Variants in SHISA9 observed in about 807,000 individuals in gnomAD.
SHISA9 encodes the protein shisa family member 9, also known as protein shisa-9.
A neutral mutation model predicts 38.0 loss-of-function variants in SHISA9; 13 were observed. The ratio of observed to expected loss-of-function variants is 0.34; its 90% CI spans 0.22 to 0.54. SHISA9 has a LOEUF of 0.54. SHISA9 is among the 20% of genes least tolerant of loss of function. The probability of loss-of-function intolerance (pLI) is 0.91; values close to 1 mark genes in which losing one functional copy is unlikely to be tolerated. For synonymous variants in SHISA9, 275 were observed against 242.0 expected, an observed-to-expected ratio of 1.14 and a Z score of -1.27; for missense variants, 538 against 575.8, an observed-to-expected ratio of 0.93 and a Z score of 0.67.
rs1596535186 is a variant in SHISA9, at chr16:12,930,355, AAGTTGAGTATCAAG to A, written c.691+13546_691+13559del. Among the ~76,000 whole-genome samples, 5 of 152,340 alleles carry A rather than the reference AAGTTGAGTATCAAG, an allele frequency of 3.3e-5. No individual in the cohort carries two copies. The East Asian group carries it at 9.6e-4, about 29-fold the overall frequency. ...CTGTTATCAGAGTCTAGCAAATGCC[AAGTTGAGTATCAAG>A]AGTTGTTGCATACATTTAAAAGCTC... On this transcript the variant is annotated intron_variant, in intron 2 of 4. Transcript: ENST00000558583.
chr16:13,097,159 T>A (rs2073836160), intron 2 of SHISA9, among the ~76,000 whole-genome samples: 1 of 152,194 alleles, frequency 6.6e-6, no homozygotes, highest in South Asian at 2.1e-4. Flanking sequence ...AGTGAATCCC[T>A]ATACAGAACC....
the SHISA9 span, among the ~76,000 whole-genome samples, chr16:13,406,056 C>A: frequency 1.3e-5 from 2 of 151,840 alleles, no homozygotes; most frequent in African/African-American, 4.8e-5. Context: ...GAATAAACGA[C>A]AACCTACAGA....
intron 4 of SHISA9, among the ~76,000 whole-genome samples, chr16:13,218,692 C>T (rs768167859): frequency 1.2e-4 from 19 of 152,226 alleles, no homozygotes; most frequent in African/African-American, 3.4e-4. Flanking sequence ...AGACAATGTA[C>T]GTAAAATCGC....
Position 13,235,454 on chromosome 16 carries a change from G to C in SHISA9, c.*45G>C, listed in dbSNP as rs1460573785. On this transcript the variant is annotated 3_prime_UTR_variant, in exon 5 of 5. Transcript: ENST00000558583. ...CCCTGGAGACCACACTCAACTGAGA[G>C]AGGCAAAAAACAACCCCGCCCACAC... is the stretch of plus-strand genomic sequence containing the variant. 1.4e-5 allele frequency: 21 copies of C among 1,491,292 alleles called. No homozygotes were observed. The highest frequency in any genetic ancestry group is 1.8e-5 in the Non-Finnish European group (20 of 1,124,130). 92.4% of individuals were successfully genotyped at this position (1,491,292 alleles called of 1,614,324 possible).
At chr16:12,904,648 G>T (rs1466137494) in intron 1 of SHISA9, among the ~76,000 whole-genome samples, 2 of 152,134 alleles carry the variant, frequency 1.3e-5, no homozygotes, top group Non-Finnish European at 2.9e-5. Context: ...CTCAACACAG[G>T]TCCTCCCAGT....
intron 2 of SHISA9, among the ~76,000 whole-genome samples, chr16:12,927,766 C>T (rs548688733): frequency 2.0e-4 from 31 of 152,112 alleles, no homozygotes; most frequent in African/African-American, 6.5e-4. Flanking sequence ...GCTCCCACCC[C>T]CCATAGATCT....
the SHISA9 span, among the ~76,000 whole-genome samples, chr16:13,260,218 G>T: frequency 1.3e-5 from 2 of 151,348 alleles, no homozygotes; most frequent in South Asian, 2.1e-4. Flanking sequence ...GGGTTTCACC[G>T]TGTTGGCCAG....
intron 2 of SHISA9, among the ~76,000 whole-genome samples, chr16:12,999,317 C>T (rs1366625041): frequency 6.6e-6 from 1 of 152,158 alleles, no homozygotes; most frequent in Non-Finnish European, 1.5e-5. Flanking sequence ...AGTTTGAGAG[C>T]TGATACAAGG....
At chr16:13,558,217 C>A in the SHISA9 span, among the ~76,000 whole-genome samples, 1 of 152,200 alleles carries the variant, frequency 6.6e-6, no homozygotes, top group Admixed American at 6.5e-5. Flanking sequence ...AGCTTCCCAT[C>A]TACAAAATGA....
chr16:13,025,083 C>G (rs2072904488), intron 2 of SHISA9, among the ~76,000 whole-genome samples: 1 of 152,040 alleles, frequency 6.6e-6, no homozygotes, highest in South Asian at 2.1e-4. Context: ...TTTTCTGAAT[C>G]TCTAGGTATA....
the SHISA9 span, among the ~76,000 whole-genome samples, chr16:13,260,619 C>T: frequency 6.6e-6 from 1 of 152,130 alleles, no homozygotes; most frequent in Non-Finnish European, 1.5e-5. Context: ...CCTTATTGTC[C>T]ATATTGATGT....
the SHISA9 span, among the ~76,000 whole-genome samples, chr16:13,422,048 A>G: frequency 6.6e-6 from 1 of 152,164 alleles, no homozygotes; most frequent in Non-Finnish European, 1.5e-5. Flanking sequence ...CATATACCCA[A>G]TCACTACACA....
chr16:13,131,264 C>A (rs1209014417), intron 2 of SHISA9, among the ~76,000 whole-genome samples: 1 of 152,114 alleles, frequency 6.6e-6, no homozygotes, highest in Non-Finnish European at 1.5e-5. Flanking sequence ...AAATATACAT[C>A]ATGAAATACT....
At chr16:12,976,265 A>G (rs1380793838) in intron 2 of SHISA9, among the ~76,000 whole-genome samples, 2 of 151,794 alleles carry the variant, frequency 1.3e-5, no homozygotes, top group African/African-American at 2.4e-5. Context: ...CTTTTTTTGT[A>G]TTTTTAGTAG....
intron 2 of SHISA9, among the ~76,000 whole-genome samples, chr16:12,973,480 G>A (rs930432903): frequency 1.5e-4 from 23 of 152,208 alleles, no homozygotes; most frequent in African/African-American, 5.5e-4. Flanking sequence ...GTCACTGGAT[G>A]AGTGAAACAT....
chr16:13,095,078 A>C (rs1452536944), intron 2 of SHISA9, among the ~76,000 whole-genome samples: 1 of 152,186 alleles, frequency 6.6e-6, no homozygotes, highest in Non-Finnish European at 1.5e-5. Context: ...TGGTCTGTCA[A>C]ATGGTTTACA....
At chr16:13,227,792 C>T (rs911370201) in intron 4 of SHISA9, among the ~76,000 whole-genome samples, 1 of 152,084 alleles carries the variant, frequency 6.6e-6, no homozygotes, top group Non-Finnish European at 1.5e-5. Flanking sequence ...CTTTGTGTGC[C>T]CTTTCATGGA....
chr16:13,035,723 G>T (rs1301102190), intron 2 of SHISA9, among the ~76,000 whole-genome samples: 2 of 152,106 alleles, frequency 1.3e-5, no homozygotes, highest in Non-Finnish European at 2.9e-5. Flanking sequence ...TAGAGATAGG[G>T]TTTTGCCATG....
chr16:13,444,890 T>A, the SHISA9 span, among the ~76,000 whole-genome samples: 1 of 150,206 alleles, frequency 6.7e-6, no homozygotes, highest in Non-Finnish European at 1.5e-5. Context: ...CAACCTCAGC[T>A]CACTGCAACC....
Sources: gnomAD v4.1 joint callset for allele counts (sites outside exome capture counted in the v4.1 genomes callset) on GRCh38, gnomAD v4.1.1 for gene constraint, MANE v1.5 for transcripts, NCBI Gene and HGNC (gene_info 2026-07-23, HGNC 2026-07-21) for gene names.